Variants in MB21D2 observed in about 807,000 individuals in gnomAD.
MB21D2 encodes nucleotidyltransferase MB21D2.
In MB21D2, 9 loss-of-function variants were observed where a neutral mutation model predicts 33.3. The ratio of observed to expected loss-of-function variants is 0.27; its 90% CI spans 0.16 to 0.47. The LOEUF is 0.47. MB21D2 is among the 20% of genes least tolerant of loss of function. The probability of loss-of-function intolerance (pLI) is 0.99; values close to 1 mark genes in which losing one functional copy is unlikely to be tolerated. For missense variants in MB21D2, 540 were observed against 624.6 expected (o/e 0.86, Z 1.44); for synonymous variants, 241 against 236.3 (o/e 1.02, Z -0.18).
chr3:192,798,557 G>A lies in MB21D2; in HGVS notation c.1305C>T (p.Thr435=). 4 of 1,614,182 alleles carry A rather than the reference G, an allele frequency of 2.5e-6. No homozygotes were observed. The highest frequency in any genetic ancestry group is 1.3e-5 in the African/African-American group (1 of 75,056). ...CGTCAGACTGTGGAGAGGGGATGCT[G>A]GTGGTGCTACCTCGCCTCTGGAGCT... ...TLELQRRGST[T]SIPSPQSDGG... is the part of the protein sequence containing the mutation. Residue 435 remains threonine (T), a synonymous_variant, in exon 2 of 2, where the codon ACC becomes ACT. Coordinates refer to ENST00000392452, the MANE Select transcript of MB21D2 (RefSeq NM_178496.4). This position sits in a 1 kb window ranked among gnomAD's most constrained non-coding sequence, Gnocchi z 4.8.
intron 1 of MB21D2, among the ~76,000 whole-genome samples, chr3:192,899,805 G>A (rs1361906713): frequency 3.3e-5 from 5 of 152,236 alleles, no homozygotes. Context: ...TGCCAAGTTA[G>A]TGTCTTGGGC....
intron 1 of MB21D2, among the ~76,000 whole-genome samples, chr3:192,878,575 C>T (rs558968814): frequency 6.6e-5 from 10 of 152,104 alleles, no homozygotes; most frequent in African/African-American, 2.2e-4. Context: ...TTGAATGTGT[C>T]AGCATTTCTA....
Position 192,798,679 on chromosome 3 carries a change from G to A in MB21D2, c.1183C>T (p.Leu395Phe), listed in dbSNP as rs993921347. The A allele has an allele frequency of 5.3e-5, 85 of 1,613,232 alleles. No homozygotes were observed. Among genetic ancestry groups the A allele is most frequent in the Non-Finnish European group, 7.1e-5 (84 of 1,180,042 alleles). ...LEHLSEETVM[L>F]HARKLSSVRS... The stretch of plus-strand genomic sequence containing the variant: ...ACAGAGGACAGCTTCCGGGCGTGAA[G>A]CATGACTGTCTCCTCAGACAGATGT... Residue 395 changes from leucine to phenylalanine, a missense_variant, in exon 2 of 2, where the codon CTT (leucine) becomes TTT (phenylalanine). Physicochemically the swap from Leu to Phe is conservative, Grantham distance 22 (BLOSUM62 0). Transcript: ENST00000392452. This position sits in a 1 kb window ranked among gnomAD's most constrained non-coding sequence, Gnocchi z 4.8.
chr3:192,889,950 C>G (rs74287967), intron 1 of MB21D2, among the ~76,000 whole-genome samples: 14,090 of 151,974 alleles, frequency 0.093, 796 homozygotes, highest in East Asian at 0.15. Context: ...AAAAATCCAA[C>G]GGTAGACACC....
At chr3:192,884,897 A>G (rs1196849476) in intron 1 of MB21D2, among the ~76,000 whole-genome samples, 2 of 152,108 alleles carry the variant, frequency 1.3e-5, no homozygotes, top group Non-Finnish European at 2.9e-5. Context: ...TGTCATTCCT[A>G]TTCTACAGAG....
chr3:192,900,490 G>A (rs1325731024), intron 1 of MB21D2, among the ~76,000 whole-genome samples: 1 of 152,062 alleles, frequency 6.6e-6, no homozygotes, highest in Non-Finnish European at 1.5e-5. Context: ...GGAGAAGAAT[G>A]CCAAGTCACA....
intron 1 of MB21D2, among the ~76,000 whole-genome samples, chr3:192,848,354 C>G (rs1712716216): frequency 6.6e-6 from 1 of 152,176 alleles, no homozygotes; most frequent in Non-Finnish European, 1.5e-5. Flanking sequence ...AGGAGTACAA[C>G]AAATATAACA....
chr3:192,883,670 G>A (rs1371037694), intron 1 of MB21D2, among the ~76,000 whole-genome samples: 3 of 152,024 alleles, frequency 2.0e-5, no homozygotes, highest in East Asian at 1.9e-4. Context: ...AACAGAGTTC[G>A]GTGGGATCAG....
At chr3:192,878,794 T>G (rs1344438432) in intron 1 of MB21D2, among the ~76,000 whole-genome samples, 1 of 152,158 alleles carries the variant, frequency 6.6e-6, no homozygotes, top group Non-Finnish European at 1.5e-5. Flanking sequence ...TGAAACCTGG[T>G]GTCTACTAAA....
chr3:192,830,405 T>C (rs1712290457), intron 1 of MB21D2, among the ~76,000 whole-genome samples: 1 of 152,082 alleles, frequency 6.6e-6, no homozygotes, highest in Non-Finnish European at 1.5e-5. Context: ...GCAAGCTAAT[T>C]ACCTCACCAT....
intron 1 of MB21D2, among the ~76,000 whole-genome samples, chr3:192,911,334 A>T (rs1011265254): frequency 3.6e-4 from 54 of 152,036 alleles, no homozygotes; most frequent in African/African-American, 1.3e-3. Flanking sequence ...CCCTTGTCTC[A>T]CTCACTATGC....
chr3:192,888,367 TAAA>T (rs1713778450), intron 1 of MB21D2, among the ~76,000 whole-genome samples: 1 of 152,098 alleles, frequency 6.6e-6, no homozygotes, highest in Admixed American at 6.5e-5. Context: ...ATAAGAAGGT[TAAA>T]CGCAGTATAT....
intron 1 of MB21D2, among the ~76,000 whole-genome samples, chr3:192,888,126 A>G (rs1216666837): frequency 3.3e-5 from 5 of 152,104 alleles, no homozygotes; most frequent in Non-Finnish European, 7.4e-5. Context: ...ACCAGGCATC[A>G]CTATCCACTT....
chr3:192,910,585 G>A (rs1169047608), intron 1 of MB21D2, among the ~76,000 whole-genome samples: 2 of 152,140 alleles, frequency 1.3e-5, no homozygotes, highest in South Asian at 4.1e-4. Context: ...CATTCTACAA[G>A]TTTCAACTTA....
chr3:192,853,428 T>C (rs1167612627), intron 1 of MB21D2, among the ~76,000 whole-genome samples: 1 of 152,234 alleles, frequency 6.6e-6, no homozygotes, highest in African/African-American at 2.4e-5. Flanking sequence ...ACCACAGATT[T>C]AACCATGTCT....
chr3:192,864,386 G>T (rs1040885975), intron 1 of MB21D2, among the ~76,000 whole-genome samples: 6 of 152,172 alleles, frequency 3.9e-5, no homozygotes, highest in African/African-American at 1.4e-4. Context: ...CATCATTACT[G>T]TTATTGCAGA....
At chr3:192,823,221 T>C (rs1712097727) in intron 1 of MB21D2, among the ~76,000 whole-genome samples, 1 of 152,174 alleles carries the variant, frequency 6.6e-6, no homozygotes, top group Non-Finnish European at 1.5e-5. Context: ...TGCAAAGAAA[T>C]TGTTTAGGTT....
intron 1 of MB21D2, among the ~76,000 whole-genome samples, chr3:192,855,720 T>G (rs1712901719): frequency 6.6e-6 from 1 of 152,204 alleles, no homozygotes; most frequent in African/African-American, 2.4e-5. Context: ...CCACTTTCTC[T>G]CTCCTCCTTT....
intron 1 of MB21D2, among the ~76,000 whole-genome samples, chr3:192,836,911 G>A (rs149884436): frequency 2.6e-3 from 394 of 152,154 alleles, no homozygotes; most frequent in Non-Finnish European, 3.7e-3. Context: ...AGGGCTCATG[G>A]GAAGAAACAC....
Sources: allele counts gnomAD v4.1 joint callset (sites outside exome capture counted in the v4.1 genomes callset), GRCh38; gene constraint gnomAD v4.1.1; non-coding constraint Gnocchi (gnomAD v3.1); transcripts MANE v1.5; gene names NCBI Gene and HGNC (gene_info 2026-07-23, HGNC 2026-07-21).